The following ADCY2 variants were observed in gnomAD, a reference collection of about 807,000 sequenced individuals.
ADCY2 encodes the protein adenylate cyclase type 2.
A neutral mutation model predicts 125.2 loss-of-function variants in ADCY2; 31 were observed. The observed-to-expected ratio is 0.25, with a 90% CI of 0.19 to 0.33. The LOEUF is 0.33. Among genes scored for constraint, ADCY2 ranks in the 10% least tolerant of loss-of-function variants. The probability of loss-of-function intolerance (pLI) is 1.00; values close to 1 mark genes in which losing one functional copy is unlikely to be tolerated. For missense variants in ADCY2, 904 were observed against 1,418.2 expected (o/e 0.64, Z 5.82); for synonymous variants, 512 against 548.4 (o/e 0.93, Z 0.93).
chr5:7,826,607 G>C (rs755377606), intron 24 of ADCY2, 112 bp from the exon 25 acceptor site: 2 of 1,385,528 alleles, frequency 1.4e-6, no homozygotes, highest in East Asian at 4.6e-5. Context: ...CTCAGGAGTG[G>C]AATTCCTGGG....
intron 1 of ADCY2, among the ~76,000 whole-genome samples, chr5:7,412,006 C>T (rs951583104): frequency 6.6e-5 from 10 of 151,164 alleles, no homozygotes; most frequent in African/African-American, 1.2e-4. Context: ...ACCCAGGAGG[C>T]GGAGCTTGCA....
At chr5:7,729,912 A>G (rs1163804910) in intron 14 of ADCY2, among the ~76,000 whole-genome samples, 1 of 151,124 alleles carries the variant, frequency 6.6e-6, no homozygotes, top group Non-Finnish European at 1.5e-5. Flanking sequence ...ATCTTTTGGG[A>G]TAGAAGTGGT....
intron 4 of ADCY2, among the ~76,000 whole-genome samples, chr5:7,632,740 C>G (rs558655720): frequency 6.6e-6 from 1 of 152,320 alleles, no homozygotes; most frequent in South Asian, 2.1e-4. Flanking sequence ...AGATGTCATG[C>G]CTCATTGAGA....
At chr5:7,784,528 T>C in intron 19 of ADCY2, 79 bp downstream of exon 19, 1 of 1,055,006 alleles carries the variant, frequency 9.5e-7, no homozygotes, top group Non-Finnish European at 1.4e-6. Context: ...TGCATTGTAG[T>C]TAATCTTCTT....
chr5:7,646,122 T>C (rs1738885854), intron 4 of ADCY2, among the ~76,000 whole-genome samples: 1 of 151,998 alleles, frequency 6.6e-6, no homozygotes, highest in Non-Finnish European at 1.5e-5. Flanking sequence ...TGTTGGGATT[T>C]TTAAAAAAAA....
At chr5:7,550,676 G>A (rs1378894914) in intron 3 of ADCY2, among the ~76,000 whole-genome samples, 1 of 151,872 alleles carries the variant, frequency 6.6e-6, no homozygotes, top group Non-Finnish European at 1.5e-5. Flanking sequence ...CCTGCCTCTG[G>A]GCCCAGTCCA....
chr5:7,690,893 C>A, intron 5 of ADCY2, 54 bp downstream of exon 5: 11 of 1,441,988 alleles, frequency 7.6e-6, no homozygotes, highest in Non-Finnish European at 1.0e-5. Flanking sequence ...TGACTGGAGA[C>A]ATTTTGCCTG....
Position 7,647,140 on chromosome 5 carries a change from T to G in ADCY2, c.720+20824T>G, listed in dbSNP as rs146858821. Among the ~76,000 whole-genome samples the G allele has an allele frequency of 3.1e-3, 469 of 152,350 alleles. 1 individual carries two copies. Among genetic ancestry groups the G allele is most frequent in the African/African-American group, 0.011 (447 of 41,576 alleles). On this transcript the variant is annotated intron_variant, in intron 4 of 24. Coordinates refer to ENST00000338316, the MANE Select transcript of ADCY2 (RefSeq NM_020546.3). ...TCTTCAGAGATGTGCAAATGTGCCT[T>G]TCAGCTTCTAACACACGCCTTTCAG...
chr5:7,531,724 C>T (rs1734651026), intron 3 of ADCY2, among the ~76,000 whole-genome samples: 2 of 152,294 alleles, frequency 1.3e-5, no homozygotes, highest in South Asian at 4.2e-4. Context: ...TTCTGTCTCT[C>T]ATAAGGACAT....
chr5:7,502,295 C>G (rs1243218945), intron 2 of ADCY2, among the ~76,000 whole-genome samples: 1 of 152,110 alleles, frequency 6.6e-6, no homozygotes, highest in Non-Finnish European at 1.5e-5. Context: ...GCATTAGAGG[C>G]TGTTCCCCAC....
intron 7 of ADCY2, among the ~76,000 whole-genome samples, chr5:7,704,122 T>G (rs1184797252): frequency 6.6e-6 from 1 of 152,146 alleles, no homozygotes; most frequent in African/African-American, 2.4e-5. Flanking sequence ...CATGCAAGGA[T>G]GTGCATTTCC....
intron 3 of ADCY2, among the ~76,000 whole-genome samples, chr5:7,549,049 G>T (rs967170144): frequency 1.3e-5 from 2 of 152,152 alleles, no homozygotes; most frequent in African/African-American, 4.8e-5. Context: ...CATTCATGAA[G>T]CTGGTAGTGT....
intron 14 of ADCY2, among the ~76,000 whole-genome samples, chr5:7,733,103 T>G (rs1742152729): frequency 6.6e-6 from 1 of 152,232 alleles, no homozygotes; most frequent in Admixed American, 6.5e-5. Flanking sequence ...TGAGGGCAAT[T>G]GTTAAAACAA....
intron 4 of ADCY2, among the ~76,000 whole-genome samples, chr5:7,662,914 C>T (rs1010381026): frequency 1.3e-5 from 2 of 152,206 alleles, no homozygotes; most frequent in Non-Finnish European, 2.9e-5. Context: ...CAACAGTTTA[C>T]CCAAACCATC....
intron 1 of ADCY2, among the ~76,000 whole-genome samples, chr5:7,407,125 CTG>C (rs1739517830): frequency 6.6e-6 from 1 of 152,202 alleles, no homozygotes; most frequent in African/African-American, 2.4e-5. Context: ...TGCATGGTGA[CTG>C]TGTGGCCCAT....
intron 2 of ADCY2, among the ~76,000 whole-genome samples, chr5:7,503,033 T>G (rs942061484): frequency 6.6e-6 from 1 of 152,204 alleles, no homozygotes. Flanking sequence ...TGGTGCCTAC[T>G]GCAGCCCCAG....
At chr5:7,397,750 T>C (rs1739117159) in intron 1 of ADCY2, among the ~76,000 whole-genome samples, 1 of 152,128 alleles carries the variant, frequency 6.6e-6, no homozygotes, top group African/African-American at 2.4e-5. Context: ...TGTCTACTGA[T>C]TGAGTTCAAT....
At chr5:7,715,811 T>C (rs546248082) in intron 11 of ADCY2, among the ~76,000 whole-genome samples, 73 of 152,342 alleles carry the variant, frequency 4.8e-4, no homozygotes, top group Non-Finnish European at 9.0e-4. Flanking sequence ...TGAGATTTAA[T>C]TACAGATAAA....
chr5:7,549,339 T>G (rs1196683859), intron 3 of ADCY2, among the ~76,000 whole-genome samples: 1 of 152,080 alleles, frequency 6.6e-6, no homozygotes, highest in Admixed American at 6.6e-5. Flanking sequence ...TCATGGCAAA[T>G]GGAAGGGAGA....
Sources: allele counts gnomAD v4.1 joint callset (sites outside exome capture counted in the v4.1 genomes callset), GRCh38; gene constraint gnomAD v4.1.1; transcripts MANE v1.5; gene names NCBI Gene and HGNC (gene_info 2026-07-23, HGNC 2026-07-21).